The following ADH4 variants were observed in gnomAD, a reference collection of about 807,000 sequenced individuals.
ADH4 encodes all-trans-retinol dehydrogenase [NAD(+)] ADH4.
In ADH4, 31 loss-of-function variants were observed where a neutral mutation model predicts 35.2. The ratio of observed to expected loss-of-function variants is 0.88; its 90% CI spans 0.66 to 1.19. ADH4 has a LOEUF of 1.19. ADH4 is among the 50% of genes most tolerant of loss of function. The pLI is 0.00. For missense variants in ADH4, 476 were observed against 458.3 expected (o/e 1.04, Z -0.35); for synonymous variants, 171 against 160.2 (o/e 1.07, Z -0.51).
intron 1 of ADH4, 67 bp from the exon 2 acceptor site, chr4:99,142,847 G>C (rs888019813): frequency 8.5e-7 from 1 of 1,174,964 alleles, no homozygotes; most frequent in African/African-American, 1.5e-5. Flanking sequence ...GGGGGTAGGA[G>C]AGAGGAGATC....
chr4:99,136,840 CTT>C (rs1729450917), intron 4 of ADH4, 143 bp from the exon 5 acceptor site: 1 of 605,698 alleles, frequency 1.7e-6, no homozygotes, highest in Non-Finnish European at 2.8e-6. Flanking sequence ...AACAACAAGA[CTT>C]TTCACAAAAT....
At position 99,124,276 on chromosome 4, in the gene ADH4, A is replaced by G; in HGVS notation, c.*166T>C. ...TTTAACATAGGGAATATTCATATAT[A>G]TAACAGGTACAAAGTCTATAATATT... is the stretch of plus-strand genomic sequence containing the variant. On this transcript the variant is annotated 3_prime_UTR_variant, in exon 9 of 9. Transcript: ENST00000265512. The G allele has an allele frequency of 1.7e-6, 1 of 572,328 alleles. No homozygotes were observed. The highest frequency in any genetic ancestry group is 3.1e-6 in the Non-Finnish European group (1 of 324,784). 35.5% of individuals were successfully genotyped at this position (572,328 alleles called of 1,614,324 possible). A position where few individuals can be genotyped will look rare whatever the true frequency, so the allele number is the denominator to read the frequency against.
At chr4:99,125,248 G>C (rs1246476681) in intron 8 of ADH4, among the ~76,000 whole-genome samples, 2 of 152,096 alleles carry the variant, frequency 1.3e-5, no homozygotes, top group East Asian at 3.9e-4. Flanking sequence ...CCCAACTTCT[G>C]CCTTCCTCAT....
chr4:99,128,718 G>A (rs1337734359), intron 6 of ADH4, among the ~76,000 whole-genome samples: 1 of 152,006 alleles, frequency 6.6e-6, no homozygotes, highest in African/African-American at 2.4e-5. Context: ...ACATCTAACA[G>A]TTCAGGATTT....
chr4:99,138,549 C>G (rs1403397225), intron 4 of ADH4, among the ~76,000 whole-genome samples: 1 of 152,190 alleles, frequency 6.6e-6, no homozygotes, highest in Non-Finnish European at 1.5e-5. Flanking sequence ...GTATCCCTCT[C>G]TCATCCCTGT....
chr4:99,140,210 A>G (rs921446765), intron 3 of ADH4, among the ~76,000 whole-genome samples: 3 of 152,228 alleles, frequency 2.0e-5, no homozygotes, highest in Non-Finnish European at 4.4e-5. Context: ...CATTCTTTAC[A>G]TAGTTTGCTG....
intron 8 of ADH4, among the ~76,000 whole-genome samples, chr4:99,126,359 G>T (rs1560774302): frequency 6.6e-6 from 1 of 152,124 alleles, no homozygotes; most frequent in Non-Finnish European, 1.5e-5. Flanking sequence ...TTTGTGAAAT[G>T]GAAATTGTAT....
At chr4:99,144,086 A>G in intron 1 of ADH4, 119 bp downstream of exon 1, 1 of 1,189,780 alleles carries the variant, frequency 8.4e-7, no homozygotes, top group East Asian at 2.4e-5. Context: ...GGTCACTCAT[A>G]TCCTTTTGAT....
At chr4:99,138,876 T>C (rs1353791726) in intron 4 of ADH4, among the ~76,000 whole-genome samples, 185 bp downstream of exon 4, 1 of 152,196 alleles carries the variant, frequency 6.6e-6, no homozygotes, top group Non-Finnish European at 1.5e-5. Context: ...TAATAAACAG[T>C]GTTACAAAGA....
In ADH4 at chr4:99,126,691, A is replaced by T; in HGVS notation, c.1021T>A (p.Tyr341Asn). 7 of 1,610,854 alleles carry T rather than the reference A, an allele frequency of 4.3e-6. No homozygotes were observed. Among genetic ancestry groups the T allele is most frequent in the Non-Finnish European group, 5.9e-6 (7 of 1,177,734 alleles). ...VDSIPKLVTD[Y>N]KNKKFNLDAL... ...TCCAGATTGAATTTCTTATTCTTAT[A>T]GTCAGTGACCAGCTTTGGGATAGAA... Residue 341 changes from tyrosine (Y) to asparagine (N), a missense_variant, in exon 8 of 9, where the codon TAT becomes AAT. Physicochemically the swap from Tyr to Asn is moderately radical, Grantham distance 143. Coordinates refer to ENST00000265512, the MANE Select transcript of ADH4 (RefSeq NM_000670.5).
In ADH4 at chr4:99,142,747, C is replaced by G; in HGVS notation, c.52G>C (p.Ala18Pro). ...TCTTCAATGCAAAGGGGCTTGCCTG[C>G]TTCCCAGGCGATGGCTGCTTTGCAT... ...IKCKAAIAWE[A>P]GKPLCIEEVE... The change falls in exon 2 of 9, where the codon GCA (alanine) becomes CCA (proline). Residue 18 changes from alanine to proline, a missense_variant. Coordinates refer to ENST00000265512, the MANE Select transcript of ADH4 (RefSeq NM_000670.5). 6.2e-7 allele frequency: 1 copy of G among 1,604,968 alleles called. No homozygotes were observed. The highest frequency in any genetic ancestry group is 1.1e-5 in the South Asian group (1 of 89,564).
At chr4:99,129,827 G>A (rs1729218697) in intron 6 of ADH4, among the ~76,000 whole-genome samples, 1 of 152,054 alleles carries the variant, frequency 6.6e-6, no homozygotes, top group African/African-American at 2.4e-5. Flanking sequence ...ATTTTTCAAT[G>A]TAACCAGAAA....
At position 99,124,258 on chromosome 4, in the gene ADH4, T is replaced by G; in HGVS notation, c.*184A>C. On this transcript the variant is annotated 3_prime_UTR_variant, in exon 9 of 9. Coordinates refer to ENST00000265512, the MANE Select transcript of ADH4 (RefSeq NM_000670.5). The stretch of plus-strand genomic sequence containing the variant: ...CACTAGTTATTATTATTATTTAACA[T>G]AGGGAATATTCATATATATAACAGG... The G allele has an allele frequency of 3.9e-6, 2 of 508,212 alleles. No individual in the cohort carries two copies. The highest frequency in any genetic ancestry group is 7.0e-6 in the Non-Finnish European group (2 of 287,252). 31.5% of individuals were successfully genotyped at this position (508,212 alleles called of 1,614,324 possible).
At chr4:99,126,427 A>T (rs936480011) in intron 8 of ADH4, among the ~76,000 whole-genome samples, 167 bp downstream of exon 8, 20 of 152,224 alleles carry the variant, frequency 1.3e-4, no homozygotes, top group African/African-American at 4.6e-4. Context: ...ATTGAAATGG[A>T]AGGTTTTCCC....
intron 6 of ADH4, among the ~76,000 whole-genome samples, chr4:99,130,805 GA>G (rs1321196397): frequency 6.6e-6 from 1 of 151,854 alleles, no homozygotes; most frequent in Non-Finnish European, 1.5e-5. Flanking sequence ...AACCCCTCAG[GA>G]AATTCTAACA....
At chr4:99,128,425 C>G (rs1422711800) in intron 6 of ADH4, among the ~76,000 whole-genome samples, 3 of 152,060 alleles carry the variant, frequency 2.0e-5, no homozygotes, top group African/African-American at 7.2e-5. Flanking sequence ...CAGAGTGAGA[C>G]TCCATCTCAA....
chr4:99,133,093 G>T (rs29001195), intron 5 of ADH4, among the ~76,000 whole-genome samples: 32,006 of 152,048 alleles, frequency 0.21, 4,040 homozygotes, highest in Non-Finnish European at 0.28. Flanking sequence ...TTAGGAAGTG[G>T]AAATGCATTT....
chr4:99,124,000 T>G lies in ADH4; in HGVS notation c.*442A>C. On this transcript the variant is annotated 3_prime_UTR_variant, in exon 9 of 9. Transcript: ENST00000265512. ...GCCCTCAACAGGCCCCAGTGTGTGT[T>G]GTTCCCCATCATGTGTCCATGTGTT... 5.8e-6 allele frequency: 1 copy of G among 171,906 alleles called. No homozygotes were observed. The highest frequency in any genetic ancestry group is 1.2e-5 in the Non-Finnish European group (1 of 82,260). 10.6% of individuals were successfully genotyped at this position (171,906 alleles called of 1,614,324 possible).
intron 5 of ADH4, among the ~76,000 whole-genome samples, chr4:99,135,684 A>G (rs1057307903): frequency 2.0e-5 from 3 of 152,204 alleles, no homozygotes; most frequent in Non-Finnish European, 2.9e-5. Context: ...ACTGTAGCCT[A>G]CTGAGGAATT....
Sources: allele counts gnomAD v4.1 joint callset (sites outside exome capture counted in the v4.1 genomes callset), GRCh38; gene constraint gnomAD v4.1.1; transcripts MANE v1.5; gene names NCBI Gene and HGNC (gene_info 2026-07-23, HGNC 2026-07-21).